SETD9: variants seen among roughly 807,000 people sequenced by gnomAD.
The protein encoded by SETD9 is SET domain-containing protein 9.
SETD9 carries 37 observed loss-of-function variants against 36.4 expected under a neutral mutation model. The ratio of observed to expected loss-of-function variants is 1.02; its 90% CI spans 0.78 to 1.34. SETD9 has a LOEUF of 1.34. SETD9 is among the 40% of genes most tolerant of loss of function. The pLI is 0.00. For missense variants in SETD9, 323 were observed against 353.2 expected, an observed-to-expected ratio of 0.91 and a Z score of 0.69; for synonymous variants, 128 against 132.9, an observed-to-expected ratio of 0.96 and a Z score of 0.26.
rs1455218021 is a variant in SETD9 at position 56,909,643 on chromosome 5, G to T, written c.-3G>T. ...GTCCTGGTCACGGCCCCGCGGGGCAGCCATGCCTGGCCGTCTGCTGCGGGG... is the reference window on the plus strand; with the variant it reads ...GTCCTGGTCACGGCCCCGCGGGGCATCCATGCCTGGCCGTCTGCTGCGGGG... On this transcript the variant is annotated 5_prime_UTR_variant, in exon 1 of 6. Transcript: ENST00000285947. The T allele has an allele frequency of 1.2e-6, 2 of 1,604,940 alleles. No individual in the cohort carries two copies. The highest frequency in any genetic ancestry group is 2.7e-5 in the African/African-American group (2 of 73,444).
chr5:56,914,444 G>T (rs1749319758), intron 4 of SETD9, among the ~76,000 whole-genome samples: 1 of 152,130 alleles, frequency 6.6e-6, no homozygotes, highest in South Asian at 2.1e-4. Flanking sequence ...TTTGGCGTTA[G>T]TGAGAAACGA....
Position 56,909,629 on chromosome 5 carries a change from G to A in SETD9, c.-17G>A, listed in dbSNP as rs1748984604. 1.3e-6 allele frequency: 2 copies of A among 1,593,060 alleles called. No homozygotes were observed. Among genetic ancestry groups the A allele is most frequent in the South Asian group, 1.1e-5 (1 of 88,800 alleles). On this transcript the variant is annotated 5_prime_UTR_variant, in exon 1 of 6. Transcript: ENST00000285947. The stretch of plus-strand genomic sequence containing the variant: ...GCCTTCCCCGCGCCGTCCTGGTCAC[G>A]GCCCCGCGGGGCAGCCATGCCTGGC...
chr5:56,926,206 A>C (rs1345718308), downstream of SETD9, among the ~76,000 whole-genome samples: 1 of 152,104 alleles, frequency 6.6e-6, no homozygotes, highest in African/African-American at 2.4e-5. Context: ...TTTTAAATAA[A>C]ATGCTAAAAG....
chr5:56,913,132 C>T lies in SETD9; in HGVS notation c.588C>T (p.Tyr196=), dbSNP rs1749237276. ...GNDKGISKVV[Y]RSCNGRDRLG... ...ACAAAGGGATATCAAAAGTTGTGTA[C>T]AGGTAAGTGATGCCCATGTTCAAAT... Residue 196 remains tyrosine (Y), a splice_region_variant and synonymous_variant, in exon 3 of 6, where the codon TAC becomes TAT. Coordinates refer to ENST00000285947, the MANE Select transcript of SETD9 (RefSeq NM_153706.4). The T allele has an allele frequency of 6.2e-7, 1 of 1,613,840 alleles. No individual in the cohort carries two copies. The highest frequency in any genetic ancestry group is 8.5e-7 in the Non-Finnish European group (1 of 1,179,896).
chr5:56,923,820 G>A (rs754214699), intron 5 of SETD9: 3 of 1,614,016 alleles, frequency 1.9e-6, no homozygotes, highest in Non-Finnish European at 2.5e-6. Context: ...TCTACTAAAC[G>A]ATCCATATAG....
intron 1 of SETD9, 107 bp from the exon 2 acceptor site, chr5:56,911,062 T>A: frequency 7.6e-7 from 1 of 1,309,100 alleles, no homozygotes; most frequent in South Asian, 1.6e-5. Flanking sequence ...TCCACACACA[T>A]GAGAATAAGC....
At chr5:56,913,755 A>G in intron 3 of SETD9, 119 bp from the exon 4 acceptor site, 1 of 635,000 alleles carries the variant, frequency 1.6e-6, no homozygotes, top group Non-Finnish European at 2.7e-6. Context: ...TACTGATTAT[A>G]CTAAAGTCTT....
intron 5 of SETD9, chr5:56,922,478 T>A (rs545184862): frequency 1.3e-4 from 20 of 152,900 alleles, no homozygotes; most frequent in African/African-American, 4.8e-4. Context: ...ACACAGTTCC[T>A]TGTGCTGGCT....
At chr5:56,912,658 T>G (rs1561218678) in intron 2 of SETD9, among the ~76,000 whole-genome samples, 1 of 152,206 alleles carries the variant, frequency 6.6e-6, no homozygotes, top group Non-Finnish European at 1.5e-5. Flanking sequence ...ATTTAATTAT[T>G]AGCAAAATAA....
Position 56,911,507 on chromosome 5 carries a change from C to G in SETD9, c.437C>G (p.Pro146Arg), listed in dbSNP as rs1384979905. 1.3e-6 allele frequency: 2 copies of G among 1,585,750 alleles called. No homozygotes were observed. Among genetic ancestry groups the G allele is most frequent in the South Asian group, 2.3e-5 (2 of 86,196 alleles). ...KGVFVTKGLVPKGAVVSMYPG... is the reference protein window; with the variant it reads ...KGVFVTKGLVRKGAVVSMYPG... ...GTCTTCGTTACTAAAGGATTGGTAC[C>G]AAAAGGCGCAGTCGTATCTATGTAT... Residue 146 changes from proline to arginine, a missense_variant, in exon 2 of 6, where the codon CCA becomes CGA. Pro to Arg is a moderately radical substitution (Grantham distance 103). Transcript: ENST00000285947.
At chr5:56,916,564 T>C (rs1749437569) in intron 5 of SETD9, among the ~76,000 whole-genome samples, 1 of 152,198 alleles carries the variant, frequency 6.6e-6, no homozygotes, top group Non-Finnish European at 1.5e-5. Context: ...GGCCTAAACT[T>C]AGAAACAATG....
Position 56,909,639 on chromosome 5 carries a change from G to A in SETD9, c.-7G>A, listed in dbSNP as rs913113448. ...CGCCGTCCTGGTCACGGCCCCGCGG[G>A]GCAGCCATGCCTGGCCGTCTGCTGC... On this transcript the variant is annotated 5_prime_UTR_variant, in exon 1 of 6. Transcript: ENST00000285947. The A allele has an allele frequency of 1.2e-6, 2 of 1,602,324 alleles. No individual in the cohort carries two copies. Among genetic ancestry groups the A allele is most frequent in the Non-Finnish European group, 1.7e-6 (2 of 1,175,688 alleles).
downstream of SETD9, chr5:56,921,636 CACT>C (rs980460687): frequency 3.3e-4 from 51 of 152,754 alleles, no homozygotes; most frequent in African/African-American, 1.1e-3. Flanking sequence ...CCCTTTCAAT[CACT>C]ACTAAGATCA....
At chr5:56,915,510 G>C (rs929265577) in intron 5 of SETD9, among the ~76,000 whole-genome samples, 1 of 152,300 alleles carries the variant, frequency 6.6e-6, no homozygotes, top group South Asian at 2.1e-4. Context: ...TTAAAATATA[G>C]GTAATTCTGG....
At chr5:56,914,024 T>C (rs368722389) in intron 4 of SETD9, 35 bp downstream of exon 4, 9 of 1,425,844 alleles carry the variant, frequency 6.3e-6, no homozygotes, top group African/African-American at 1.4e-5. Flanking sequence ...AGATGAGATA[T>C]ATCAATGGCT....
intron 5 of SETD9, chr5:56,925,216 A>G (rs74482990): frequency 2.9e-6 from 1 of 340,098 alleles, no homozygotes. Context: ...AAACATACAG[A>G]AAGTGTGAAA....
At chr5:56,923,965 A>G (rs202247682) in intron 5 of SETD9, 19 of 1,614,130 alleles carry the variant, frequency 1.2e-5, no homozygotes, top group Admixed American at 1.7e-5. Flanking sequence ...TTGTCTGTTG[A>G]GCAAAGTAAT....
intron 5 of SETD9, 25 bp from the exon 6 acceptor site, chr5:56,916,790 C>T: frequency 1.3e-6 from 2 of 1,593,826 alleles, no homozygotes; most frequent in Non-Finnish European, 1.7e-6. Context: ...AATGCTCTAC[C>T]TTTTGTATAT....
Position 56,913,911 on chromosome 5 carries a change from A to G in SETD9, c.628A>G (p.Met210Val). 1 of 1,613,958 alleles carries G rather than the reference A, an allele frequency of 6.2e-7. No individual in the cohort carries two copies. The highest frequency in any genetic ancestry group is 8.5e-7 in the Non-Finnish European group (1 of 1,179,856). ...NGRDRLGPLK[M>V]SDSTWLTSEI... ...GAGGGATCGACTCGGCCCTTTAAAA[A>G]TGAGTGATAGTACATGGCTAACGTC... Residue 210 changes from methionine to valine, a missense_variant, in exon 4 of 6, where the codon ATG (methionine) becomes GTG (valine). Transcript: ENST00000285947.
Sources: gnomAD v4.1 joint callset for allele counts (sites outside exome capture counted in the v4.1 genomes callset) on GRCh38, gnomAD v4.1.1 for gene constraint, MANE v1.5 for transcripts, NCBI Gene and HGNC (gene_info 2026-07-23, HGNC 2026-07-21) for gene names.